PRR16: variants seen among roughly 807,000 people sequenced by gnomAD.
The protein encoded by PRR16 is protein Largen.
PRR16 carries 6 observed loss-of-function variants against 18.2 expected under a neutral mutation model. That is an observed-to-expected ratio of 0.33 (90% CI 0.18 to 0.65). The LOEUF is 0.65. Among genes scored for constraint, PRR16 ranks in the 30% least tolerant of loss-of-function variants. The probability of loss-of-function intolerance (pLI) is 0.74; values close to 1 mark genes in which losing one functional copy is unlikely to be tolerated. For missense variants in PRR16, 412 were observed against 376.6 expected (o/e 1.09, Z -0.78); for synonymous variants, 151 against 147.8 (o/e 1.02, Z -0.16).
At chr5:120,754,553 T>TCTATATTATATA in the PRR16 span, among the ~76,000 whole-genome samples, 1 of 73,408 alleles carries the variant, frequency 1.4e-5, no homozygotes, top group African/African-American at 6.5e-5. Flanking sequence ...TTATATATAA[T>TCTATATTATATA]ATATATTATA....
At chr5:120,476,073 T>C (rs1442449588) in intron 1 of PRR16, among the ~76,000 whole-genome samples, 1 of 152,154 alleles carries the variant, frequency 6.6e-6, no homozygotes, top group African/African-American at 2.4e-5. Flanking sequence ...TAGATGGTGT[T>C]TTAATAGCCC....
the PRR16 span, among the ~76,000 whole-genome samples, chr5:120,756,698 T>G: frequency 6.6e-6 from 1 of 152,110 alleles, no homozygotes; most frequent in Admixed American, 6.6e-5. Flanking sequence ...ATTAGACCTT[T>G]GTTGGGTTCA....
In PRR16 at chr5:120,464,346, G is replaced by A. The variant is rs566972996; in HGVS notation, c.-141G>A. 1.6e-5 allele frequency: 14 copies of A among 896,626 alleles called. No individual in the cohort carries two copies. In the Admixed American group the frequency reaches 1.9e-4, roughly 12 times the overall value. The allele number at this position is 896,626 out of a possible 1,614,324, so 55.5% of individuals were successfully genotyped here. ...GCGGCCGCCCGGCCGAGCGCGGAGC[G>A]CAGCCACTCGCCGCTGCCCAGGGAG... On this transcript the variant is annotated 5_prime_UTR_variant, in exon 1 of 2. Coordinates refer to ENST00000407149, the MANE Select transcript of PRR16 (RefSeq NM_001300783.2).
chr5:120,791,359 T>C, the PRR16 span, among the ~76,000 whole-genome samples: 1 of 152,096 alleles, frequency 6.6e-6, no homozygotes, highest in Non-Finnish European at 1.5e-5. Context: ...ATGACTTTCT[T>C]GTGAAGGGCT....
chr5:120,726,863 G>C, the PRR16 span, among the ~76,000 whole-genome samples: 1 of 152,030 alleles, frequency 6.6e-6, no homozygotes, highest in Non-Finnish European at 1.5e-5. Flanking sequence ...ATGGCAAACT[G>C]CCTTGTTCTT....
intron 1 of PRR16, among the ~76,000 whole-genome samples, chr5:120,494,633 A>G (rs1036009692): frequency 6.6e-6 from 1 of 152,094 alleles, no homozygotes; most frequent in African/African-American, 2.4e-5. Flanking sequence ...CAGTTTATCA[A>G]TTTGCAAATT....
chr5:120,491,278 G>A lies in PRR16; in HGVS notation c.159+26633G>A, dbSNP rs141171432. Among the ~76,000 whole-genome samples the A allele has an allele frequency of 1.9e-3, 288 of 152,102 alleles. 1 individual carries two copies. The highest frequency in any genetic ancestry group is 6.2e-3 in the African/African-American group (256 of 41,518). On this transcript the variant is annotated intron_variant, in intron 1 of 1. Transcript: ENST00000407149. ...ACTGGAAAAGAATGGAAAATAACTCGGCCTTGAGATTAATTTTCTGGGAAA... is the reference window on the plus strand; with the variant it reads ...ACTGGAAAAGAATGGAAAATAACTCAGCCTTGAGATTAATTTTCTGGGAAA...
intron 1 of PRR16, among the ~76,000 whole-genome samples, chr5:120,483,983 A>G (rs1749705475): frequency 6.6e-6 from 1 of 152,068 alleles, no homozygotes; most frequent in South Asian, 2.1e-4. Context: ...AGTAGATTGT[A>G]GATACCAAAT....
At chr5:120,581,576 G>T (rs540018066) in intron 1 of PRR16, among the ~76,000 whole-genome samples, 1 of 151,990 alleles carries the variant, frequency 6.6e-6, no homozygotes. Context: ...GGATTAGTTT[G>T]CTCTTGCCTC....
chr5:120,544,620 T>A (rs912032968), intron 1 of PRR16, among the ~76,000 whole-genome samples: 6 of 152,166 alleles, frequency 3.9e-5, no homozygotes, highest in African/African-American at 1.2e-4. Context: ...ATGACATTTT[T>A]AAATTCTGTT....
chr5:120,645,729 G>A (rs1050070151), intron 1 of PRR16, among the ~76,000 whole-genome samples: 1 of 151,952 alleles, frequency 6.6e-6, no homozygotes, highest in South Asian at 2.1e-4. Context: ...CAAGAGCCAA[G>A]TTTCTTTTGT....
At chr5:120,660,768 G>A (rs974283143) in intron 1 of PRR16, among the ~76,000 whole-genome samples, 1 of 151,950 alleles carries the variant, frequency 6.6e-6, no homozygotes. Flanking sequence ...TGTGTTTTTA[G>A]AATTTGCATA....
the PRR16 span, among the ~76,000 whole-genome samples, chr5:120,745,169 G>T: frequency 6.6e-6 from 1 of 152,126 alleles, no homozygotes; most frequent in South Asian, 2.1e-4. Context: ...TCCAAAGTGG[G>T]TCAGATATAT....
chr5:120,547,706 T>A (rs2112693749), intron 1 of PRR16, among the ~76,000 whole-genome samples: 1 of 152,212 alleles, frequency 6.6e-6, no homozygotes, highest in South Asian at 2.1e-4. Flanking sequence ...ACTTACTTAT[T>A]TGAAAATACT....
intron 1 of PRR16, among the ~76,000 whole-genome samples, chr5:120,667,496 G>A (rs1399323108): frequency 6.6e-6 from 1 of 151,504 alleles, no homozygotes; most frequent in African/African-American, 2.4e-5. Flanking sequence ...CCTTCTGCTA[G>A]CTTTTGAATG....
intron 1 of PRR16, among the ~76,000 whole-genome samples, chr5:120,583,493 A>G (rs567503809): frequency 5.9e-4 from 90 of 152,280 alleles, no homozygotes; most frequent in African/African-American, 2.0e-3. Context: ...CCAGCTCACA[A>G]GGGGAGACTT....
At chr5:120,765,164 T>C in the PRR16 span, among the ~76,000 whole-genome samples, 5 of 152,064 alleles carry the variant, frequency 3.3e-5, no homozygotes, top group African/African-American at 1.2e-4. Flanking sequence ...AAAAGGTCTT[T>C]AAAATATAAA....
At chr5:120,485,563 A>G (rs1749769767) in intron 1 of PRR16, among the ~76,000 whole-genome samples, 1 of 152,210 alleles carries the variant, frequency 6.6e-6, no homozygotes, top group Non-Finnish European at 1.5e-5. Flanking sequence ...TTGTGCACAG[A>G]ATAGAGTAAA....
intron 1 of PRR16, among the ~76,000 whole-genome samples, chr5:120,514,530 A>T (rs1388175916): frequency 2.0e-5 from 3 of 152,230 alleles, no homozygotes; most frequent in African/African-American, 7.2e-5. Context: ...AAAAGAAGTC[A>T]TGTAGTAAGT....
Sources: gnomAD v4.1 joint callset for allele counts (sites outside exome capture counted in the v4.1 genomes callset) on GRCh38, gnomAD v4.1.1 for gene constraint, MANE v1.5 for transcripts, NCBI Gene and HGNC (gene_info 2026-07-23, HGNC 2026-07-21) for gene names.